NEGR1: variants seen among roughly 807,000 people sequenced by gnomAD.
The protein encoded by NEGR1 is neuronal growth regulator 1, also known as IgLON family member 4.
A neutral mutation model predicts 40.9 loss-of-function variants in NEGR1; 10 were observed. The observed-to-expected ratio is 0.24, with a 90% CI of 0.15 to 0.42. NEGR1 has a LOEUF of 0.42. NEGR1 is among the 10% of genes least tolerant of loss of function. NEGR1 has a pLI of 1.00. For missense variants in NEGR1, 352 were observed against 438.9 expected, an observed-to-expected ratio of 0.80 and a Z score of 1.77; for synonymous variants, 185 against 166.8, an observed-to-expected ratio of 1.11 and a Z score of -0.84.
intron 1 of NEGR1, among the ~76,000 whole-genome samples, chr1:72,090,579 A>C (rs76593021): frequency 0.016 from 2,385 of 152,192 alleles, 65 homozygotes; most frequent in African/African-American, 0.055. Context: ...CATTGCCTTT[A>C]ATTAAAATAA....
At chr1:71,685,409 G>A (rs894295562) in intron 4 of NEGR1, among the ~76,000 whole-genome samples, 1 of 148,954 alleles carries the variant, frequency 6.7e-6, no homozygotes, top group Non-Finnish European at 1.5e-5. Context: ...TGCAAACTCC[G>A]CCTCCTGGGT....
intron 1 of NEGR1, among the ~76,000 whole-genome samples, chr1:72,121,803 G>T (rs776962744): frequency 1.3e-5 from 2 of 152,004 alleles, no homozygotes; most frequent in African/African-American, 4.8e-5. Flanking sequence ...AACATTTGTT[G>T]TAACTTTCTG....
At chr1:71,560,760 T>A (rs558516559) in intron 6 of NEGR1, among the ~76,000 whole-genome samples, 1 of 151,464 alleles carries the variant, frequency 6.6e-6, no homozygotes, top group Admixed American at 6.6e-5. Flanking sequence ...TATGATATCC[T>A]TTACATAGTG....
intron 1 of NEGR1, among the ~76,000 whole-genome samples, chr1:72,140,688 A>G (rs952970496): frequency 2.0e-5 from 3 of 152,048 alleles, no homozygotes; most frequent in African/African-American, 7.2e-5. Context: ...AATCGAAATA[A>G]AATATTTTCT....
chr1:71,464,720 GAAAATAT>G (rs1459551255), intron 6 of NEGR1, among the ~76,000 whole-genome samples: 13 of 152,026 alleles, frequency 8.6e-5, no homozygotes, highest in African/African-American at 3.1e-4. Flanking sequence ...ACTCATCTGG[GAAAATAT>G]GCTTTCCATA....
intron 1 of NEGR1, among the ~76,000 whole-genome samples, chr1:72,073,775 G>A (rs1168793156): frequency 6.6e-6 from 1 of 151,454 alleles, no homozygotes; most frequent in Non-Finnish European, 1.5e-5. Context: ...TTCATTAGAT[G>A]GCTACTGCAG....
intron 2 of NEGR1, among the ~76,000 whole-genome samples, chr1:71,811,605 T>G (rs1047516239): frequency 2.7e-5 from 4 of 150,844 alleles, no homozygotes; most frequent in African/African-American, 4.8e-5. Flanking sequence ...AAGTAAGTAA[T>G]TATATTACTT....
chr1:71,733,836 A>T (rs1015598497), intron 3 of NEGR1, among the ~76,000 whole-genome samples: 1 of 152,184 alleles, frequency 6.6e-6, no homozygotes, highest in Non-Finnish European at 1.5e-5. Flanking sequence ...ATTCCTAAAA[A>T]AATCCAAGAA....
chr1:72,083,804 A>G (rs1317715213), intron 1 of NEGR1, among the ~76,000 whole-genome samples: 2 of 151,924 alleles, frequency 1.3e-5, no homozygotes, highest in Non-Finnish European at 2.9e-5. Context: ...CCATATGCCC[A>G]TTTTCCCTCT....
chr1:72,065,312 T>C lies in NEGR1; in HGVS notation c.177-130001A>G, dbSNP rs74880148. Reference sequence around the variant, plus strand: ...ATTTCTTCTTAAAATTTATGTATTCTTAGAAATCCTTCCTCTACTGCCCTC... The same window carrying C: ...ATTTCTTCTTAAAATTTATGTATTCCTAGAAATCCTTCCTCTACTGCCCTC... On this transcript the variant is annotated intron_variant, in intron 1 of 6. Coordinates refer to ENST00000357731, the MANE Select transcript of NEGR1 (RefSeq NM_173808.3). Among the ~76,000 whole-genome samples the C allele has an allele frequency of 7.9e-4, 120 of 152,200 alleles. 1 individual carries two copies. The highest frequency in any genetic ancestry group is 2.7e-3 in the African/African-American group (114 of 41,566).
intron 1 of NEGR1, among the ~76,000 whole-genome samples, chr1:72,155,744 T>A (rs1417833825): frequency 6.6e-6 from 1 of 152,086 alleles, no homozygotes; most frequent in Non-Finnish European, 1.5e-5. Context: ...CTATCTAAAA[T>A]AAGCCTAGGT....
Position 71,611,047 on chromosome 1 carries a change from T to G in NEGR1, c.767A>C (p.Glu256Ala), listed in dbSNP as rs1650232331. 1 of 1,613,818 alleles carries G rather than the reference T, an allele frequency of 6.2e-7. No homozygotes were observed. The highest frequency in any genetic ancestry group is 1.1e-5 in the South Asian group (1 of 91,062). The part of the protein sequence containing the change: ...EGAGVPPPAF[E>A]WYKGEKKLFN... ...TCACTTCTTCTCTCCTTTGTACCAT[T>G]CAAAGGCTGGAGGCGGCACACCTGC... is the stretch of plus-strand genomic sequence containing the variant. Residue 256 changes from glutamate to alanine, a missense_variant, in exon 5 of 7, where the codon GAA becomes GCA. By Grantham distance (107) the Glu-to-Ala change is moderately radical (BLOSUM62 -1). Around this residue, in one of 5 missense-constraint regions of NEGR1, gnomAD observed 184 missense variants for 208.7 expected, o/e 0.88. Transcript: ENST00000357731.
intron 6 of NEGR1, among the ~76,000 whole-genome samples, chr1:71,427,123 G>A (rs1480819060): frequency 6.6e-6 from 1 of 152,184 alleles, no homozygotes; most frequent in Non-Finnish European, 1.5e-5. Flanking sequence ...GCTCACGTTG[G>A]AGATGTCATA....
chr1:72,259,439 C>G (rs1405874319), intron 1 of NEGR1, among the ~76,000 whole-genome samples: 2 of 152,056 alleles, frequency 1.3e-5, no homozygotes, highest in Non-Finnish European at 2.9e-5. Flanking sequence ...TTCAAACTCC[C>G]TTTCTCCTGT....
chr1:71,752,586 T>C (rs1438733619), intron 3 of NEGR1, among the ~76,000 whole-genome samples: 1 of 152,186 alleles, frequency 6.6e-6, no homozygotes, highest in African/African-American at 2.4e-5. Context: ...CTATCTTTGG[T>C]TTATGAAATA....
Position 71,407,364 on chromosome 1 carries a change from G to T in NEGR1, c.*82C>A. ...AGCACTGCTGATTATATCCCACGCT[G>T]CTTTTAACAAACTGTACCAGATTGG... On this transcript the variant is annotated 3_prime_UTR_variant, in exon 7 of 7. Transcript: ENST00000357731. 1 of 1,352,402 alleles carries T rather than the reference G, an allele frequency of 7.4e-7. No individual in the cohort carries two copies. The highest frequency in any genetic ancestry group is 1.0e-6 in the Non-Finnish European group (1 of 964,444). The allele number at this position is 1,352,402 out of a possible 1,614,324, so 83.8% of individuals were successfully genotyped here.
chr1:72,271,030 G>C (rs531783772), intron 1 of NEGR1, among the ~76,000 whole-genome samples: 21 of 151,912 alleles, frequency 1.4e-4, no homozygotes, highest in African/African-American at 4.8e-4. Flanking sequence ...GTGTACTTCT[G>C]TTGTGGAGAC....
chr1:72,268,850 T>A (rs889630056), intron 1 of NEGR1, among the ~76,000 whole-genome samples: 4 of 150,972 alleles, frequency 2.6e-5, no homozygotes, highest in African/African-American at 9.7e-5. Flanking sequence ...AATGGAAGGG[T>A]TTAAGAACGC....
rs757487361 is a variant in NEGR1 at position 71,401,727 on chromosome 1, C to T, written c.*5719G>A. 5 of 152,062 alleles carry T rather than the reference C, an allele frequency of 3.3e-5. No homozygotes were observed. The highest frequency in any genetic ancestry group is 7.4e-5 in the Non-Finnish European group (5 of 68,002). 9.4% of individuals were successfully genotyped at this position (152,062 alleles called of 1,614,324 possible). On this transcript the variant is annotated 3_prime_UTR_variant, in exon 7 of 7. Transcript: ENST00000357731. ...CCAAAATTCTGTTGATTGCAGATGT[C>T]TGAGGAATAGTCTTAGTGGATTATC...
Sources: allele counts gnomAD v4.1 joint callset (sites outside exome capture counted in the v4.1 genomes callset), GRCh38; gene constraint gnomAD v4.1.1; regional missense constraint gnomAD v4.1.1; transcripts MANE v1.5; gene names NCBI Gene and HGNC (gene_info 2026-07-23, HGNC 2026-07-21).